Variants in GRIA4 observed in about 807,000 individuals in gnomAD.
GRIA4 encodes the protein glutamate ionotropic receptor AMPA type subunit 4, also known as glutamate receptor 4.
A neutral mutation model predicts 104.0 loss-of-function variants in GRIA4; 34 were observed. The observed-to-expected ratio is 0.33, with a 90% CI of 0.25 to 0.44. GRIA4 has a LOEUF of 0.44. Among genes scored for constraint, GRIA4 ranks in the 20% least tolerant of loss-of-function variants. The pLI is 1.00. For missense variants in GRIA4, 750 were observed against 1,096.5 expected (o/e 0.68, Z 4.46); for synonymous variants, 386 against 381.9 (o/e 1.01, Z -0.13).
chr11:105,891,950 T>C (rs1429270112), intron 6 of GRIA4, among the ~76,000 whole-genome samples: 1 of 152,024 alleles, frequency 6.6e-6, no homozygotes, highest in Non-Finnish European at 1.5e-5. Context: ...GTTATTGTAA[T>C]TGTTTTTGTT....
chr11:105,772,459 C>A (rs1465878328), intron 4 of GRIA4, among the ~76,000 whole-genome samples: 9 of 152,048 alleles, frequency 5.9e-5, no homozygotes, highest in Non-Finnish European at 1.3e-4. Flanking sequence ...AATGTATTTT[C>A]TGTTCTCTAT....
rs184815390 is a variant in GRIA4 at position 105,634,218 on chromosome 11, G to A, written c.247+21784G>A. On this transcript the variant is annotated intron_variant, in intron 3 of 16. Transcript: ENST00000282499. ...AAAAATTAGCAGCATGTGGTGGCAC[G>A]CACTTGTAGTCCCAGCTACTGGGGA... 1.2e-3 allele frequency among the ~76,000 whole-genome samples: 177 copies of A among 151,910 alleles called. 1 individual carries two copies. The highest frequency in any genetic ancestry group is 1.9e-3 in the Non-Finnish European group (131 of 67,948).
chr11:105,966,595 T>G (rs1187948806), intron 14 of GRIA4, among the ~76,000 whole-genome samples: 2 of 152,212 alleles, frequency 1.3e-5, no homozygotes, highest in African/African-American at 4.8e-5. Context: ...ACACATTTTT[T>G]GCCTTCCATA....
At chr11:105,728,152 T>C (rs1938342278) in intron 3 of GRIA4, among the ~76,000 whole-genome samples, 1 of 152,134 alleles carries the variant, frequency 6.6e-6, no homozygotes, top group Non-Finnish European at 1.5e-5. Context: ...AAGACACACA[T>C]AGGCTCAAAA....
intron 4 of GRIA4, among the ~76,000 whole-genome samples, chr11:105,808,586 G>C (rs1394409244): frequency 2.6e-5 from 4 of 151,998 alleles, no homozygotes; most frequent in African/African-American, 9.7e-5. Flanking sequence ...CCCAAAAGTT[G>C]TAAAATCAGA....
At chr11:105,850,164 A>C (rs1944750631) in intron 4 of GRIA4, among the ~76,000 whole-genome samples, 1 of 152,216 alleles carries the variant, frequency 6.6e-6, no homozygotes, top group Admixed American at 6.5e-5. Flanking sequence ...TTTGATGAAA[A>C]ATAAATAACT....
intron 5 of GRIA4, among the ~76,000 whole-genome samples, chr11:105,865,651 T>C (rs1291193623): frequency 6.6e-6 from 1 of 152,162 alleles, no homozygotes; most frequent in Non-Finnish European, 1.5e-5. Flanking sequence ...GAGTCTTTTA[T>C]TTATGATTTT....
chr11:105,654,092 A>C, intron 3 of GRIA4, among the ~76,000 whole-genome samples: 1 of 151,774 alleles, frequency 6.6e-6, no homozygotes, highest in Non-Finnish European at 1.5e-5. Flanking sequence ...CCTGGAAGAC[A>C]TTAACTGAAA....
At chr11:105,961,827 A>C (rs907666864) in intron 14 of GRIA4, among the ~76,000 whole-genome samples, 2 of 152,258 alleles carry the variant, frequency 1.3e-5, no homozygotes, top group East Asian at 3.8e-4. Flanking sequence ...AGTAGTTAAG[A>C]CAGATAAACT....
intron 16 of GRIA4, among the ~76,000 whole-genome samples, chr11:105,975,237 AG>A (rs1241752476): frequency 6.6e-6 from 1 of 152,172 alleles, no homozygotes; most frequent in Non-Finnish European, 1.5e-5. Context: ...AGTATCACTA[AG>A]GTAAATAGAC....
At chr11:105,853,598 G>C (rs1020239537) in intron 4 of GRIA4, among the ~76,000 whole-genome samples, 1 of 152,108 alleles carries the variant, frequency 6.6e-6, no homozygotes, top group Non-Finnish European at 1.5e-5. Flanking sequence ...AGCTATCTCT[G>C]GGATGAACAA....
chr11:105,879,895 G>A (rs1051262830), intron 5 of GRIA4, among the ~76,000 whole-genome samples: 1 of 152,102 alleles, frequency 6.6e-6, no homozygotes, highest in African/African-American at 2.4e-5. Flanking sequence ...AATTCCTGTG[G>A]TCTAAAGAAG....
chr11:105,908,621 A>T (rs1248716254), intron 9 of GRIA4, among the ~76,000 whole-genome samples: 2 of 151,952 alleles, frequency 1.3e-5, no homozygotes, highest in Admixed American at 1.3e-4. Context: ...GGCCAAAAAA[A>T]AAAATAAAGT....
chr11:105,720,350 T>G (rs1345872656), intron 3 of GRIA4, among the ~76,000 whole-genome samples: 2 of 152,042 alleles, frequency 1.3e-5, no homozygotes, highest in Non-Finnish European at 2.9e-5. Flanking sequence ...CCTTCATCAT[T>G]GCTGAACTGT....
intron 5 of GRIA4, among the ~76,000 whole-genome samples, chr11:105,886,021 G>A (rs1946242068): frequency 6.6e-6 from 1 of 152,110 alleles, no homozygotes; most frequent in Non-Finnish European, 1.5e-5. Flanking sequence ...AAATTAAAAA[G>A]TAAAAATCTA....
chr11:105,783,836 G>A (rs1040611285), intron 4 of GRIA4, among the ~76,000 whole-genome samples: 1 of 151,636 alleles, frequency 6.6e-6, no homozygotes, highest in East Asian at 2.0e-4. Context: ...GAGGCTGAAA[G>A]TTCAAGAGAC....
intron 11 of GRIA4, among the ~76,000 whole-genome samples, chr11:105,923,412 A>C (rs1947621945): frequency 6.6e-6 from 1 of 152,074 alleles, no homozygotes; most frequent in Non-Finnish European, 1.5e-5. Context: ...TGATATGTGA[A>C]TCTCCCTTCT....
At chr11:105,912,386 C>A in intron 10 of GRIA4, 1 of 962,302 alleles carries the variant, frequency 1.0e-6, no homozygotes, top group Non-Finnish European at 1.2e-6. Context: ...CCTTTCCATC[C>A]TTGTTACTAA....
intron 14 of GRIA4, among the ~76,000 whole-genome samples, chr11:105,958,369 A>T (rs1195283988): frequency 2.0e-5 from 3 of 152,194 alleles, no homozygotes; most frequent in Non-Finnish European, 2.9e-5. Context: ...TGTTGAGATA[A>T]TCATGTGGTT....
Sources: allele counts gnomAD v4.1 joint callset (sites outside exome capture counted in the v4.1 genomes callset), GRCh38; gene constraint gnomAD v4.1.1; transcripts MANE v1.5; gene names NCBI Gene and HGNC (gene_info 2026-07-23, HGNC 2026-07-21).